CCSAP: variants seen among roughly 807,000 people sequenced by gnomAD.
CCSAP encodes centriole, cilia and spindle associated protein.
CCSAP carries 17 observed loss-of-function variants against 25.9 expected under a neutral mutation model. The observed-to-expected ratio is 0.66, with a 90% CI of 0.45 to 0.99. CCSAP has a LOEUF of 0.99. Among genes scored for constraint, CCSAP ranks in the 50% least tolerant of loss-of-function variants. CCSAP has a pLI of 0.00. For synonymous variants in CCSAP, 169 were observed against 157.1 expected (o/e 1.08, Z -0.57); for missense variants, 339 against 367.8 (o/e 0.92, Z 0.64).
rs1031058994 is a variant in CCSAP at position 229,336,647 on chromosome 1, A to G, written c.367+5452T>C. ...CTCCTAAAAAGCTCTTCCAGGCCTT[A>G]CTCTTAAATATGAGCAGACAGGCTA... On this transcript the variant is annotated intron_variant, in intron 2 of 3. Transcript: ENST00000284617. Among the ~76,000 whole-genome samples, 4 of 152,164 alleles carry G rather than the reference A, an allele frequency of 2.6e-5. No individual in the cohort carries two copies. In the East Asian group the frequency reaches 7.7e-4, roughly 29 times the overall value.
chr1:229,327,589 G>C (rs1454848847), intron 2 of CCSAP: 1 of 455,916 alleles, frequency 2.2e-6, no homozygotes, highest in Non-Finnish European at 4.4e-6. Flanking sequence ...GAGGGCCCCG[G>C]CCGGGTGCGG....
chr1:229,335,276 G>T (rs955094498), intron 2 of CCSAP, among the ~76,000 whole-genome samples: 1 of 152,106 alleles, frequency 6.6e-6, no homozygotes, highest in East Asian at 1.9e-4. Flanking sequence ...CTTAGATCAT[G>T]CCATTGCACT....
At chr1:229,340,042 G>A (rs974596006) in intron 2 of CCSAP, among the ~76,000 whole-genome samples, 2 of 152,160 alleles carry the variant, frequency 1.3e-5, no homozygotes, top group African/African-American at 4.8e-5. Context: ...GTTATGTATG[G>A]CATAGGGCTG....
At chr1:229,328,416 T>C (rs1219192666) in intron 2 of CCSAP, among the ~76,000 whole-genome samples, 1 of 152,136 alleles carries the variant, frequency 6.6e-6, no homozygotes, top group Non-Finnish European at 1.5e-5. Flanking sequence ...TCCTCCCACC[T>C]CAGCCTCCTA....
At chr1:229,332,860 G>C (rs952849136) in intron 2 of CCSAP, among the ~76,000 whole-genome samples, 24 of 152,230 alleles carry the variant, frequency 1.6e-4, no homozygotes, top group African/African-American at 5.5e-4. Context: ...ATCACAGAGA[G>C]AGCTGTACTG....
chr1:229,335,449 A>T (rs1038333935), intron 2 of CCSAP, among the ~76,000 whole-genome samples: 3 of 152,206 alleles, frequency 2.0e-5, no homozygotes, highest in African/African-American at 7.2e-5. Flanking sequence ...TCTGACTATA[A>T]TATGGACGTG....
chr1:229,341,167 C>G (rs1337529797), intron 2 of CCSAP, among the ~76,000 whole-genome samples: 1 of 134,816 alleles, frequency 7.4e-6, no homozygotes, highest in Non-Finnish European at 1.5e-5. Flanking sequence ...GCGCTCCAGC[C>G]TGGGCCACAG....
Position 229,326,992 on chromosome 1 carries a change from C to A in CCSAP, c.382G>T (p.Asp128Tyr), listed in dbSNP as rs1657956258. Reference protein sequence around the residue: ...DAALPALPVKDVEDKPEQQTR... With the variant: ...DAALPALPVKYVEDKPEQQTR... Reference sequence around the variant, plus strand: ...TGTTGTTCAGGTTTATCTTCTACATCTTTCACTGGCAGTGCTTTTGAAAAG... The same window carrying A: ...TGTTGTTCAGGTTTATCTTCTACATATTTCACTGGCAGTGCTTTTGAAAAG... Residue 128 changes from aspartate to tyrosine, a missense_variant, in exon 3 of 4, where the codon GAT (aspartate) becomes TAT (tyrosine). Coordinates refer to ENST00000284617, the MANE Select transcript of CCSAP (RefSeq NM_145257.5). 6.2e-7 allele frequency: 1 copy of A among 1,606,076 alleles called. No individual in the cohort carries two copies. The highest frequency in any genetic ancestry group is 2.2e-5 in the East Asian group (1 of 44,742).
rs1657853564 is a variant in CCSAP, at chr1:229,322,688, T to C, written c.*2547A>G. 6.6e-6 allele frequency: 1 copy of C among 152,164 alleles called. No homozygotes were observed. The highest frequency in any genetic ancestry group is 1.5e-5 in the Non-Finnish European group (1 of 68,016). The allele number at this position is 152,164 out of a possible 1,614,324, so 9.4% of individuals were successfully genotyped here. The stretch of plus-strand genomic sequence containing the variant: ...GGGCAGTTAAAAGACAAAGAATCGA[T>C]TCCTGTTCACTTCTCCTCCCGCGGA... On this transcript the variant is annotated 3_prime_UTR_variant, in exon 4 of 4. Coordinates refer to ENST00000284617, the MANE Select transcript of CCSAP (RefSeq NM_145257.5).
chr1:229,327,533 C>T (rs933410349), intron 2 of CCSAP: 9 of 456,088 alleles, frequency 2.0e-5, no homozygotes, highest in Non-Finnish European at 3.1e-5. Context: ...CCATCGTTAC[C>T]GCCTAGGTGC....
chr1:229,336,792 T>A (rs1658205801), intron 2 of CCSAP, among the ~76,000 whole-genome samples: 1 of 152,202 alleles, frequency 6.6e-6, no homozygotes, highest in Non-Finnish European at 1.5e-5. Context: ...TTTCTTTTCT[T>A]TTCTTTTTTT....
intron 2 of CCSAP, among the ~76,000 whole-genome samples, chr1:229,337,936 AAAAC>A (rs958635230): frequency 1.8e-4 from 28 of 151,912 alleles, no homozygotes; most frequent in African/African-American, 5.1e-4. Flanking sequence ...GCAAAAAACA[AAAAC>A]AAAATAAGCA....
intron 2 of CCSAP, among the ~76,000 whole-genome samples, chr1:229,340,814 G>A (rs1274375329): frequency 6.6e-6 from 1 of 152,210 alleles, no homozygotes; most frequent in Non-Finnish European, 1.5e-5. Context: ...GCCAGGAAGA[G>A]TCTGATTGGC....
intron 2 of CCSAP, among the ~76,000 whole-genome samples, chr1:229,330,492 G>A (rs558415707): frequency 1.3e-5 from 2 of 152,338 alleles, no homozygotes; most frequent in African/African-American, 4.8e-5. Flanking sequence ...CAGAGGAAGG[G>A]TAGCAAAAGA....
At chr1:229,333,387 C>T (rs923108305) in intron 2 of CCSAP, among the ~76,000 whole-genome samples, 14 of 143,656 alleles carry the variant, frequency 9.7e-5, no homozygotes, top group African/African-American at 3.4e-4. Flanking sequence ...GAGCCGAGAT[C>T]GCGCCACTGC....
Position 229,342,107 on chromosome 1 carries a change from G to T in CCSAP, c.359C>A (p.Ala120Asp). ...DAEAEDAEDA[A>D]LPALPVKDVE... ...CCCTCCGGGCCGGGTACCTGGCAGA[G>T]CCGCGTCCTCCGCGTCCTCGGCCTC... is the stretch of plus-strand genomic sequence containing the variant. Residue 120 changes from alanine (A) to aspartate (D), a missense_variant, in exon 2 of 4, where the codon GCT becomes GAT. Ala to Asp is a moderately radical substitution (Grantham distance 126). Transcript: ENST00000284617. This position sits in a 1 kb window ranked among gnomAD's most constrained non-coding sequence, Gnocchi z 7.5. 2 of 1,355,256 alleles carry T rather than the reference G, an allele frequency of 1.5e-6. No homozygotes were observed. Among genetic ancestry groups the T allele is most frequent in the Non-Finnish European group, 1.9e-6 (2 of 1,056,254 alleles). The allele number at this position is 1,355,256 out of a possible 1,614,324, so 84.0% of individuals were successfully genotyped here.
intron 2 of CCSAP, among the ~76,000 whole-genome samples, chr1:229,331,787 T>TTTTTTATTATTATTA (rs551904118): frequency 7.1e-6 from 1 of 140,642 alleles, no homozygotes; most frequent in Admixed American, 7.1e-5. Flanking sequence ...CTAATATCCT[T>TTTTTTATTATTATTA]TTATTATTAT....
At chr1:229,331,377 G>A (rs1249254144) in intron 2 of CCSAP, among the ~76,000 whole-genome samples, 1 of 151,904 alleles carries the variant, frequency 6.6e-6, no homozygotes, top group Admixed American at 6.6e-5. Flanking sequence ...ATACAGAAAA[G>A]GTAAAACTCA....
At chr1:229,329,991 C>G (rs1038827366) in intron 2 of CCSAP, among the ~76,000 whole-genome samples, 1 of 151,824 alleles carries the variant, frequency 6.6e-6, no homozygotes, top group South Asian at 2.1e-4. Context: ...AACTCCATCT[C>G]AAAAAAATAA....
Sources: allele counts gnomAD v4.1 joint callset (sites outside exome capture counted in the v4.1 genomes callset), GRCh38; gene constraint gnomAD v4.1.1; non-coding constraint Gnocchi (gnomAD v3.1); transcripts MANE v1.5; gene names NCBI Gene and HGNC (gene_info 2026-07-23, HGNC 2026-07-21).